Variants in VIRMA observed in about 807,000 individuals in gnomAD.
The protein encoded by VIRMA is protein virilizer homolog.
In VIRMA, 65 loss-of-function variants were observed where a neutral mutation model predicts 182.4. That is an observed-to-expected ratio of 0.36 (90% CI 0.29 to 0.44). The LOEUF is 0.44. VIRMA is among the 20% of genes least tolerant of loss of function. VIRMA has a pLI of 1.00. For synonymous variants in VIRMA, 709 were observed against 743.1 expected (o/e 0.95, Z 0.75); for missense variants, 1,752 against 2,158.1 (o/e 0.81, Z 3.73).
intron 5 of VIRMA, among the ~76,000 whole-genome samples, chr8:94,533,075 G>A (rs575000275): frequency 6.6e-6 from 1 of 151,808 alleles, no homozygotes; most frequent in East Asian, 1.9e-4. Context: ...AATTTTTAGA[G>A]TAACCACTAC....
chr8:94,529,919 C>T (rs557486000), intron 6 of VIRMA, among the ~76,000 whole-genome samples: 1 of 152,098 alleles, frequency 6.6e-6, no homozygotes, highest in Admixed American at 6.5e-5. Flanking sequence ...GGATTACAGG[C>T]GTGAGCCACC....
chr8:94,550,109 A>C (rs1003336409), intron 1 of VIRMA, among the ~76,000 whole-genome samples: 3 of 151,972 alleles, frequency 2.0e-5, no homozygotes, highest in African/African-American at 7.3e-5. Flanking sequence ...AAAAAAAAAA[A>C]AAAACTGATG....
chr8:94,545,734 G>A (rs1047487055), intron 1 of VIRMA, among the ~76,000 whole-genome samples: 7 of 152,114 alleles, frequency 4.6e-5, no homozygotes, highest in African/African-American at 7.2e-5. Context: ...ATGCACAAAA[G>A]GAATGCAAAA....
At chr8:94,495,600 C>G (rs1411695892) in intron 19 of VIRMA, 131 bp downstream of exon 19, 1 of 541,072 alleles carries the variant, frequency 1.8e-6, no homozygotes, top group Non-Finnish European at 3.1e-6. Context: ...ACAACAGAGG[C>G]TGTATGGCCT....
At chr8:94,509,268 G>A (rs1256304097) in intron 15 of VIRMA, among the ~76,000 whole-genome samples, 1 of 152,082 alleles carries the variant, frequency 6.6e-6, no homozygotes, top group Non-Finnish European at 1.5e-5. Context: ...AGGTGTGGTG[G>A]TGTGTGCCTG....
intron 16 of VIRMA, among the ~76,000 whole-genome samples, chr8:94,504,602 T>C (rs1278295078): frequency 6.6e-6 from 1 of 152,172 alleles, no homozygotes; most frequent in Non-Finnish European, 1.5e-5. Flanking sequence ...CTTTGGCTTC[T>C]GAGAGAACGA....
rs1166597600 is a variant in VIRMA at position 94,526,961 on chromosome 8, A to G, written c.1283T>C (p.Leu428Pro). The G allele has an allele frequency of 1.9e-6, 3 of 1,614,256 alleles. No homozygotes were observed. The highest frequency in any genetic ancestry group is 2.5e-6 in the Non-Finnish European group (3 of 1,180,040). ...LQLKNTKQDS[L>P]GQLVDWTMQA... Reference sequence around the variant, plus strand: ...CATGGTCCAGTCTACCAACTGGCCAAGGGAGTCTTGTTTTGTGTTTTTCAA... The same window carrying G: ...CATGGTCCAGTCTACCAACTGGCCAGGGGAGTCTTGTTTTGTGTTTTTCAA... The change falls in exon 8 of 24, where the codon CTT (leucine) becomes CCT (proline). Residue 428 changes from leucine (L) to proline (P), a missense_variant. Transcript: ENST00000297591.
chr8:94,527,136 C>G lies in VIRMA; in HGVS notation c.1108G>C (p.Gly370Arg), dbSNP rs1363049762. The stretch of plus-strand genomic sequence containing the variant: ...GCCCCTGAATTTTCTTTATCTGGAC[C>G]TTGATCCTTCATTCTACTGATTTCA... ...EIEISRMKDQ[G>R]PDKENSGAIE... The change falls in exon 8 of 24, where the codon GGT becomes CGT. Residue 370 changes from glycine to arginine, a missense_variant. Coordinates refer to ENST00000297591, the MANE Select transcript of VIRMA (RefSeq NM_015496.5). 2.5e-6 allele frequency: 4 copies of G among 1,614,120 alleles called. No individual in the cohort carries two copies. Among genetic ancestry groups the G allele is most frequent in the Non-Finnish European group, 3.4e-6 (4 of 1,180,006 alleles).
At chr8:94,496,581 T>C (rs1813786223) in intron 17 of VIRMA, 101 bp from the exon 18 acceptor site, 17 of 902,616 alleles carry the variant, frequency 1.9e-5, no homozygotes, top group Non-Finnish European at 2.8e-5. Flanking sequence ...CAATCTTTCC[T>C]TCAATGTTTT....
At chr8:94,518,570 T>G (rs1814640915) in intron 9 of VIRMA, among the ~76,000 whole-genome samples, 1 of 152,216 alleles carries the variant, frequency 6.6e-6, no homozygotes, top group Admixed American at 6.5e-5. Flanking sequence ...ACCATTATCA[T>G]TCTCAATTTA....
chr8:94,548,526 C>A (rs1222782334), intron 1 of VIRMA, among the ~76,000 whole-genome samples: 1 of 151,168 alleles, frequency 6.6e-6, no homozygotes, highest in Non-Finnish European at 1.5e-5. Flanking sequence ...TATACAAATA[C>A]AATAGCTTTC....
Position 94,510,433 on chromosome 8 carries a change from C to T in VIRMA, c.3610G>A (p.Val1204Ile). Residue 1204 changes from valine to isoleucine, a missense_variant, in exon 14 of 24, where the codon GTA (valine) becomes ATA (isoleucine). This residue lies in a region of VIRMA where 777 missense variants were observed against 920.6 expected (regional missense o/e 0.84). Transcript: ENST00000297591. Reference protein sequence around the residue: ...LIMRTVLDLIVEDLQSTSEDK... With the variant: ...LIMRTVLDLIIEDLQSTSEDK... ...TGAAAATACCTTTGCAAGTCTTCTA[C>T]AATCAAATCCAACACAGTTCTCATA... 3 of 1,612,904 alleles carry T rather than the reference C, an allele frequency of 1.9e-6. No homozygotes were observed. The highest frequency in any genetic ancestry group is 2.5e-6 in the Non-Finnish European group (3 of 1,179,110).
At chr8:94,509,606 T>G in intron 15 of VIRMA, 82 bp downstream of exon 15, 1 of 1,423,254 alleles carries the variant, frequency 7.0e-7, no homozygotes, top group Non-Finnish European at 9.4e-7. Context: ...CAGCCAAAAT[T>G]TACATCAAGA....
chr8:94,495,467 T>C (rs531771401), intron 19 of VIRMA, among the ~76,000 whole-genome samples: 4 of 152,072 alleles, frequency 2.6e-5, no homozygotes, highest in African/African-American at 9.6e-5. Flanking sequence ...TGTAACAAGT[T>C]TTGACCTTTC....
chr8:94,493,464 T>C (rs1031991571), intron 20 of VIRMA, among the ~76,000 whole-genome samples: 3 of 152,200 alleles, frequency 2.0e-5, no homozygotes, highest in African/African-American at 7.2e-5. Flanking sequence ...ACTAACAACA[T>C]GTGCCTATCT....
chr8:94,504,661 T>C (rs1052583229), intron 16 of VIRMA, among the ~76,000 whole-genome samples: 6 of 152,162 alleles, frequency 3.9e-5, no homozygotes, highest in African/African-American at 1.4e-4. Context: ...TAGGAGGCTA[T>C]TGCAATGGGC....
In VIRMA at chr8:94,526,447, T is replaced by A. The variant is rs1250279784; in HGVS notation, c.1797A>T (p.Pro599=). The part of the protein sequence containing the change: ...DTDAGLERTN[P]EYENEVEASM... ...AAGCTTCCACCTCATTTTCATATTC[T>A]GGGTTTGTTCTCTCAAGTCCAGCAT... Residue 599 remains proline (P), a synonymous_variant, in exon 8 of 24, where the codon CCA becomes CCT. Coordinates refer to ENST00000297591, the MANE Select transcript of VIRMA (RefSeq NM_015496.5). The A allele has an allele frequency of 6.2e-7, 1 of 1,613,968 alleles. No homozygotes were observed. Among genetic ancestry groups the A allele is most frequent in the South Asian group, 1.1e-5 (1 of 91,046 alleles).
chr8:94,543,964 A>G, intron 1 of VIRMA, 22 bp from the exon 2 acceptor site: 1 of 1,273,446 alleles, frequency 7.9e-7, no homozygotes, highest in Non-Finnish European at 1.1e-6. Flanking sequence ...AAAAAGCCGG[A>G]GGGGGAGGGG....
chr8:94,526,356 G>A lies in VIRMA; in HGVS notation c.1888C>T (p.Leu630Phe). 6.2e-7 allele frequency: 1 copy of A among 1,614,050 alleles called. No individual in the cohort carries two copies. ...SEGEIERLIN[L>F]LEEVFHLMET... ...ATTAAATGAAAAACTTCTTCTAGGAGGTTAATAAGCCTTTCTATTTCCCCT... is the reference window on the plus strand; with the variant it reads ...ATTAAATGAAAAACTTCTTCTAGGAAGTTAATAAGCCTTTCTATTTCCCCT... Residue 630 changes from leucine (L) to phenylalanine (F), a missense_variant, in exon 8 of 24, where the codon CTC (leucine) becomes TTC (phenylalanine). This residue lies in a region of VIRMA where 401 missense variants were observed against 455.1 expected (regional missense o/e 0.88). Transcript: ENST00000297591.
Sources: allele counts gnomAD v4.1 joint callset (sites outside exome capture counted in the v4.1 genomes callset), GRCh38; gene constraint gnomAD v4.1.1; regional missense constraint gnomAD v4.1.1; transcripts MANE v1.5; gene names NCBI Gene and HGNC (gene_info 2026-07-23, HGNC 2026-07-21).